Variants in KEAP1 observed in about 807,000 individuals in gnomAD.
KEAP1 encodes the protein kelch like ECH associated protein 1, also known as kelch-like ECH-associated protein 1.
Under a neutral mutation model 59.7 loss-of-function variants are expected in KEAP1, and 26 were observed. That is an observed-to-expected ratio of 0.44 (90% CI 0.32 to 0.60). The LOEUF (loss-of-function observed/expected upper bound fraction) is 0.60, where lower values mean the gene tolerates loss of function less well. Ranked by LOEUF, KEAP1 falls within the 20% of genes least tolerant of loss-of-function variation. KEAP1 has a pLI of 0.06. For missense variants in KEAP1, 539 were observed against 871.4 expected (o/e 0.62, Z 4.80); for synonymous variants, 350 against 358.3 (o/e 0.98, Z 0.26).
chr19:10,489,890 T>G, intron 3 of KEAP1, 37 bp from the exon 4 acceptor site: 1 of 1,576,624 alleles, frequency 6.3e-7, no homozygotes, highest in Non-Finnish European at 8.7e-7. Context: ...CAATGGCCAT[T>G]ATAGCTGACC....
rs2144578921 is a variant in KEAP1 at position 10,486,811 on chromosome 19, A to G, written c.1716T>C (p.Tyr572=). ...HQGRIYVLGG[Y]DGHTFLDSVE... Reference sequence around the variant, plus strand: ...CACTGTCCAGGAACGTGTGACCATCATAGCCTCCTGCGGGAAGAACAGAAG... The same window carrying G: ...CACTGTCCAGGAACGTGTGACCATCGTAGCCTCCTGCGGGAAGAACAGAAG... The change falls in exon 6 of 6, where the codon TAT becomes TAC. Residue 572 remains tyrosine (Y), a synonymous_variant. Transcript: ENST00000171111. The G allele has an allele frequency of 6.2e-7, 1 of 1,613,148 alleles. No homozygotes were observed.
intron 5 of KEAP1, among the ~76,000 whole-genome samples, chr19:10,488,954 G>A (rs775152791): frequency 7.9e-5 from 12 of 151,814 alleles, no homozygotes; most frequent in Non-Finnish European, 1.3e-4. Context: ...CATTAGCCGG[G>A]TGTGGTGGTG....
chr19:10,494,880 T>A (rs981101510), intron 2 of KEAP1, among the ~76,000 whole-genome samples: 2 of 148,330 alleles, frequency 1.3e-5, no homozygotes, highest in African/African-American at 5.0e-5. Context: ...GGTCTCGATC[T>A]CCTGACCTCG....
chr19:10,489,515 C>T, intron 4 of KEAP1, 133 bp downstream of exon 4: 2 of 1,258,914 alleles, frequency 1.6e-6, no homozygotes, highest in Admixed American at 2.1e-5. Flanking sequence ...TGGACTCTAT[C>T]AGAATCCAGG....
At chr19:10,493,284 G>A (rs1295558839) in intron 2 of KEAP1, among the ~76,000 whole-genome samples, 5 of 151,442 alleles carry the variant, frequency 3.3e-5, no homozygotes, top group Non-Finnish European at 5.9e-5. Flanking sequence ...TCAGCCTCCC[G>A]ATTAGCTGGG....
At chr19:10,501,290 T>C (rs1915035125) in intron 1 of KEAP1, among the ~76,000 whole-genome samples, 1 of 151,914 alleles carries the variant, frequency 6.6e-6, no homozygotes, top group East Asian at 2.0e-4. Context: ...CAGGCTGGAG[T>C]ACAGTGGTGC....
At position 10,491,776 on chromosome 19, in the gene KEAP1, C is replaced by A. The variant is rs530737192; in HGVS notation, c.1126G>T (p.Ala376Ser). 1 of 1,579,806 alleles carries A rather than the reference C, an allele frequency of 6.3e-7. No individual in the cohort carries two copies. The highest frequency in any genetic ancestry group is 8.6e-7 in the Non-Finnish European group (1 of 1,163,074). The change falls in exon 3 of 6, where the codon GCC (alanine) becomes TCC (serine). Residue 376 changes from alanine to serine, a missense_variant. Physicochemically the swap from Ala to Ser is moderately conservative, Grantham distance 99. Coordinates refer to ENST00000171111, the MANE Select transcript of KEAP1 (RefSeq NM_203500.2). The surrounding 1 kb of genome is among the most constrained non-coding windows in gnomAD (Gnocchi z 5.2). The part of the protein sequence containing the change: ...AGCVVGGLLY[A>S]VGGRNNSPDG... ...GGCGAGTTGTTCCTGCCGCCCACGG[C>A]GTACAACAGCCCGCCCACCACGCAG...
chr19:10,489,049 C>G, intron 5 of KEAP1, 143 bp downstream of exon 5: 1 of 681,590 alleles, frequency 1.5e-6, no homozygotes, highest in Non-Finnish European at 2.3e-6. Flanking sequence ...GAGCTGTGAT[C>G]ACACCACTGC....
Position 10,503,125 on chromosome 19 carries a change from C to T in KEAP1, c.-48+116G>A, listed in dbSNP as rs1478299671. The T allele has an allele frequency of 6.6e-6, 1 of 152,152 alleles. No homozygotes were observed. The highest frequency in any genetic ancestry group is 1.5e-5 in the Non-Finnish European group (1 of 68,056). 9.4% of individuals were successfully genotyped at this position (152,152 alleles called of 1,614,324 possible). Reference sequence around the variant, plus strand: ...CCCAGGTCGCCTCCGTAGGGGGTCCCTCGGGGTGGGGATGGCCGGGGCGCG... The same window carrying T: ...CCCAGGTCGCCTCCGTAGGGGGTCCTTCGGGGTGGGGATGGCCGGGGCGCG... On this transcript the variant is annotated intron_variant, in intron 1 of 5. Coordinates refer to ENST00000171111, the MANE Select transcript of KEAP1 (RefSeq NM_203500.2). The surrounding 1 kb of genome is among the most constrained non-coding windows in gnomAD (Gnocchi z 4.3).
In KEAP1 at chr19:10,502,160, C is replaced by A. The variant is rs971124125; in HGVS notation, c.-48+1081G>T. Among the ~76,000 whole-genome samples, 1 of 152,184 alleles carries A rather than the reference C, an allele frequency of 6.6e-6. No individual in the cohort carries two copies. Among genetic ancestry groups the A allele is most frequent in the Non-Finnish European group, 1.5e-5 (1 of 68,038 alleles). ...CAATAAACGGGTGGTTGGCTAACTG[C>A]CCTGCCACCGTGCCTGCCAGAGCGG... On this transcript the variant is annotated intron_variant, in intron 1 of 5. Coordinates refer to ENST00000171111, the MANE Select transcript of KEAP1 (RefSeq NM_203500.2). The surrounding 1 kb of genome is among the most constrained non-coding windows in gnomAD (Gnocchi z 4.0).
chr19:10,489,231 G>C lies in KEAP1; in HGVS notation c.1669C>G (p.Leu557Val), dbSNP rs200828680. Reference sequence around the variant, plus strand: ...CTCCCCTGGTGGACAGTGATCCCCAGGGCACTTCGCCGGTGCTTCATGGGG... The same window carrying C: ...CTCCCCTGGTGGACAGTGATCCCCACGGCACTTCGCCGGTGCTTCATGGGG... ...VAPMKHRRSA[L>V]GITVHQGRIY... is the part of the protein sequence containing the mutation. The change falls in exon 5 of 6, where the codon CTG becomes GTG. Residue 557 changes from leucine (L) to valine (V), a missense_variant. Physicochemically the swap from Leu to Val is conservative, Grantham distance 32. This residue lies in a region of KEAP1 where 311 missense variants were observed against 425.2 expected (regional missense o/e 0.73). Coordinates refer to ENST00000171111, the MANE Select transcript of KEAP1 (RefSeq NM_203500.2). 1 of 1,612,510 alleles carries C rather than the reference G, an allele frequency of 6.2e-7. No individual in the cohort carries two copies. Among genetic ancestry groups the C allele is most frequent in the Non-Finnish European group, 8.5e-7 (1 of 1,179,972 alleles).
intron 2 of KEAP1, among the ~76,000 whole-genome samples, chr19:10,498,902 C>A (rs563289566): frequency 2.0e-5 from 3 of 151,488 alleles, no homozygotes; most frequent in Non-Finnish European, 2.9e-5. Flanking sequence ...GTGGCTCGAT[C>A]TCCACTCACT....
At chr19:10,486,933 A>C in intron 5 of KEAP1, 115 bp from the exon 6 acceptor site, 27 of 1,108,338 alleles carry the variant, frequency 2.4e-5, no homozygotes, top group African/African-American at 4.7e-5. Flanking sequence ...GTGGTGGCTC[A>C]CGCCTATAAT....
rs2144603339 is a variant in KEAP1 at position 10,492,097 on chromosome 19, G to A, written c.805C>T (p.Arg269Trp). The change falls in exon 3 of 6, where the codon CGG becomes TGG. Residue 269 changes from arginine (R) to tryptophan (W), a missense_variant. Physicochemically the swap from Arg to Trp is moderately radical, Grantham distance 101. This residue lies in a region of KEAP1 where 61 missense variants were observed against 129.9 expected (regional missense o/e 0.47). Transcript: ENST00000171111. ...QRRFYVQALL[R>W]AVRCHSLTPN... ...GTCAACGAGTGGCAGCGCACGGCCC[G>A]CAGCAGCGCCTGGACGTAGAACCGT... is the stretch of plus-strand genomic sequence containing the variant. The A allele has an allele frequency of 6.2e-7, 1 of 1,613,864 alleles. No homozygotes were observed. The highest frequency in any genetic ancestry group is 8.5e-7 in the Non-Finnish European group (1 of 1,180,038).
intron 1 of KEAP1, among the ~76,000 whole-genome samples, chr19:10,500,401 A>T (rs899664511): frequency 1.3e-5 from 2 of 151,936 alleles, no homozygotes; most frequent in African/African-American, 4.8e-5. Flanking sequence ...CCCTTTGATC[A>T]CTCTGCTTCA....
At chr19:10,487,036 TAAA>T (rs35072591) in intron 5 of KEAP1, among the ~76,000 whole-genome samples, 1,365 of 92,020 alleles carry the variant, frequency 0.015, 29 homozygotes, top group African/African-American at 0.055. Context: ...AGTCTCTTAC[TAAA>T]AAAAAAAAAA....
chr19:10,498,199 C>CTTTTTT (rs35066564), intron 2 of KEAP1, among the ~76,000 whole-genome samples: 1 of 106,152 alleles, frequency 9.4e-6, no homozygotes, highest in Non-Finnish European at 1.9e-5. Flanking sequence ...CGCGCCCAGG[C>CTTTTTT]TTTTTTTTTT....
In KEAP1 at chr19:10,486,540, T is replaced by A. The variant is rs966516142; in HGVS notation, c.*112A>T. ...AACACTGAGGCATCCTGGCCTCCCTTCCCGGAAGATGGGTTATTTGCAGTG... is the reference window on the plus strand; with the variant it reads ...AACACTGAGGCATCCTGGCCTCCCTACCCGGAAGATGGGTTATTTGCAGTG... On this transcript the variant is annotated 3_prime_UTR_variant, in exon 6 of 6. Coordinates refer to ENST00000171111, the MANE Select transcript of KEAP1 (RefSeq NM_203500.2). The A allele has an allele frequency of 3.6e-6, 4 of 1,110,236 alleles. No homozygotes were observed. In the African/African-American group the frequency reaches 6.3e-5, roughly 17 times the overall value. 68.8% of individuals were successfully genotyped at this position (1,110,236 alleles called of 1,614,324 possible).
rs2144601337 is a variant in KEAP1, at chr19:10,491,955, A to G, written c.947T>C (p.Val316Ala). ...EELTLHKPTQ[V>A]MPCRAPKVGR... ...CACCTTGGGCGCCCGGCAGGGCATC[A>G]CCTGCGTGGGCTTGTGCAGGGTGAG... Residue 316 changes from valine (V) to alanine (A), a missense_variant, in exon 3 of 6, where the codon GTG becomes GCG. By Grantham distance (64) the Val-to-Ala change is moderately conservative. This residue lies in a region of KEAP1 where 61 missense variants were observed against 129.9 expected (regional missense o/e 0.47). Transcript: ENST00000171111. This position sits in a 1 kb window ranked among gnomAD's most constrained non-coding sequence, Gnocchi z 5.2. The G allele has an allele frequency of 6.2e-7, 1 of 1,613,904 alleles. No homozygotes were observed. The highest frequency in any genetic ancestry group is 8.5e-7 in the Non-Finnish European group (1 of 1,179,974).
Sources: gnomAD v4.1 joint callset for allele counts (sites outside exome capture counted in the v4.1 genomes callset) on GRCh38, gnomAD v4.1.1 for gene constraint, gnomAD v4.1.1 regional missense constraint, Gnocchi (gnomAD v3.1) non-coding constraint, MANE v1.5 for transcripts, NCBI Gene and HGNC (gene_info 2026-07-23, HGNC 2026-07-21) for gene names.